The following WDR19 variants were observed in gnomAD, a reference collection of about 807,000 sequenced individuals.
WDR19 encodes the protein WD repeat-containing protein 19.
A neutral mutation model predicts 180.0 loss-of-function variants in WDR19; 121 were observed. The observed-to-expected ratio is 0.67, with a 90% CI of 0.58 to 0.78. WDR19 has a LOEUF of 0.78. WDR19 is among the 30% of genes least tolerant of loss of function. WDR19 has a pLI of 0.00. For missense variants in WDR19, 1,450 were observed against 1,640.7 expected (o/e 0.88, Z 2.01); for synonymous variants, 497 against 540.7 (o/e 0.92, Z 1.12).
chr4:39,217,324 A>G, intron 13 of WDR19, 84 bp downstream of exon 13: 1 of 1,156,084 alleles, frequency 8.6e-7, no homozygotes. Flanking sequence ...TTGGTCAGGA[A>G]GCAAGGATGT....
intron 32 of WDR19, 189 bp from the exon 33 acceptor site, chr4:39,274,619 A>G: frequency 1.6e-6 from 1 of 611,052 alleles, no homozygotes; most frequent in South Asian, 2.3e-5. Context: ...AAAGCACTTG[A>G]TGGGCAGTTA....
At chr4:39,269,129 AGAAAG>A (rs906097985) in intron 30 of WDR19, among the ~76,000 whole-genome samples, 4 of 152,104 alleles carry the variant, frequency 2.6e-5, no homozygotes, top group African/African-American at 7.2e-5. Context: ...CACCTGGAGA[AGAAAG>A]GGAGGGAAAA....
chr4:39,280,869 A>G (rs1350440902), intron 36 of WDR19, among the ~76,000 whole-genome samples: 2 of 152,130 alleles, frequency 1.3e-5, no homozygotes, highest in Non-Finnish European at 2.9e-5. Context: ...TTACTCTTAT[A>G]TTTAGGTCTT....
At chr4:39,186,716 C>A in intron 3 of WDR19, 112 bp downstream of exon 3, 1 of 705,192 alleles carries the variant, frequency 1.4e-6, no homozygotes, top group Non-Finnish European at 2.2e-6. Flanking sequence ...CTTCCATTTG[C>A]AAAGGGATTT....
At chr4:39,211,929 C>CAGAGAG (rs60128786) in intron 9 of WDR19, among the ~76,000 whole-genome samples, 14 of 135,350 alleles carry the variant, frequency 1.0e-4, no homozygotes, top group African/African-American at 3.6e-4. Context: ...TATAGACAGA[C>CAGAGAG]AGAGAGAGAG....
chr4:39,230,527 CATA>C (rs1560516572), intron 17 of WDR19, among the ~76,000 whole-genome samples: 1 of 152,080 alleles, frequency 6.6e-6, no homozygotes, highest in African/African-American at 2.4e-5. Flanking sequence ...ATAAAGGAGA[CATA>C]ATAATAATAC....
chr4:39,281,143 A>G (rs1402977357), intron 36 of WDR19, among the ~76,000 whole-genome samples: 1 of 151,242 alleles, frequency 6.6e-6, no homozygotes, highest in East Asian at 1.9e-4. Context: ...TTTGATTTTG[A>G]TGAATTATAA....
Position 39,242,273 on chromosome 4 carries a change from G to A in WDR19, c.2421+1939G>A, listed in dbSNP as rs184391659. Among the ~76,000 whole-genome samples the A allele has an allele frequency of 1.7e-3, 253 of 151,974 alleles. 1 individual carries two copies. The highest frequency in any genetic ancestry group is 5.9e-3 in the African/African-American group (243 of 41,468). On this transcript the variant is annotated intron_variant, in intron 21 of 36. Transcript: ENST00000399820. ...TAAAATTAAAAATTTTTATTTTTATGTTTATTTTTGTCTCACTTTCTTTCC... is the reference window on the plus strand; with the variant it reads ...TAAAATTAAAAATTTTTATTTTTATATTTATTTTTGTCTCACTTTCTTTCC...
chr4:39,243,015 T>C (rs1732129798), intron 21 of WDR19, among the ~76,000 whole-genome samples: 2 of 152,208 alleles, frequency 1.3e-5, no homozygotes, highest in African/African-American at 4.8e-5. Flanking sequence ...ATGGTAGCAT[T>C]GCATCACTGC....
At chr4:39,204,517 A>C (rs1185841380) in intron 7 of WDR19, among the ~76,000 whole-genome samples, 1 of 152,260 alleles carries the variant, frequency 6.6e-6, no homozygotes, top group African/African-American at 2.4e-5. Flanking sequence ...CTAAAAACCT[A>C]TTAAATTGAT....
chr4:39,185,390 G>C (rs1270223225), intron 1 of WDR19, among the ~76,000 whole-genome samples: 4 of 152,034 alleles, frequency 2.6e-5, no homozygotes, highest in Non-Finnish European at 5.9e-5. Context: ...CTGAATTCAG[G>C]CTTCAATTAT....
intron 9 of WDR19, among the ~76,000 whole-genome samples, chr4:39,213,762 C>T (rs1728771935): frequency 6.6e-6 from 1 of 152,060 alleles, no homozygotes; most frequent in South Asian, 2.1e-4. Flanking sequence ...CTAGGGACGT[C>T]GGAATAAGAT....
chr4:39,205,723 T>C lies in WDR19; in HGVS notation c.877T>C (p.Cys293Arg), dbSNP rs1209985738. 6.2e-7 allele frequency: 1 copy of C among 1,602,676 alleles called. No homozygotes were observed. Among genetic ancestry groups the C allele is most frequent in the Admixed American group, 1.7e-5 (1 of 58,130 alleles). ...VSQTLNKVATCGDNCIKIQDL... is the reference protein window; with the variant it reads ...VSQTLNKVATRGDNCIKIQDL... ...ACAGACTCTTAACAAAGTTGCTACA[T>C]GTGGAGATAACTGGTAAGTTATTTT... is the stretch of plus-strand genomic sequence containing the variant. Residue 293 changes from cysteine to arginine, a missense_variant, in exon 9 of 37, where the codon TGT (cysteine) becomes CGT (arginine). By Grantham distance (180) the Cys-to-Arg change is radical. Coordinates refer to ENST00000399820, the MANE Select transcript of WDR19 (RefSeq NM_025132.4).
chr4:39,268,370 C>T (rs1047801558), intron 30 of WDR19, among the ~76,000 whole-genome samples: 1 of 152,196 alleles, frequency 6.6e-6, no homozygotes, highest in African/African-American at 2.4e-5. Flanking sequence ...GATGTCTCCT[C>T]TCACCCCTCC....
chr4:39,218,910 A>G (rs1729369489), intron 14 of WDR19: 1 of 152,138 alleles, frequency 6.6e-6, no homozygotes, highest in South Asian at 2.1e-4. Context: ...AAACTAAGAC[A>G]CAAACACACA....
chr4:39,199,584 G>T lies in WDR19; in HGVS notation c.513G>T (p.Thr171=), dbSNP rs754543019. The T allele has an allele frequency of 1.1e-4, 175 of 1,611,180 alleles. No individual in the cohort carries two copies. Among genetic ancestry groups the T allele is most frequent in the Non-Finnish European group, 1.4e-4 (167 of 1,177,874 alleles). The change falls in exon 6 of 37, where the codon ACG becomes ACT. Residue 171 remains threonine (T), a synonymous_variant. Coordinates refer to ENST00000399820, the MANE Select transcript of WDR19 (RefSeq NM_025132.4). ...MITVSNQEGD[T]IRQTQVRSEP... Reference sequence around the variant, plus strand: ...CAGTTAGTAATCAGGAAGGTGACACGATAAGACAGGTAATACAGTAACGTC... The same window carrying T: ...CAGTTAGTAATCAGGAAGGTGACACTATAAGACAGGTAATACAGTAACGTC...
chr4:39,190,699 A>G (rs1577834412), intron 4 of WDR19, among the ~76,000 whole-genome samples: 1 of 152,342 alleles, frequency 6.6e-6, no homozygotes, highest in African/African-American at 2.4e-5. Flanking sequence ...TAGTGAGTGT[A>G]GTGCCTTTGA....
chr4:39,218,309 CATT>C (rs1729293985), intron 14 of WDR19: 1 of 668,034 alleles, frequency 1.5e-6, no homozygotes, highest in Non-Finnish European at 2.4e-6. Context: ...GCAATTTCAT[CATT>C]GTGTGGATGT....
intron 1 of WDR19, among the ~76,000 whole-genome samples, chr4:39,183,250 C>CTTTTTTTTTTT (rs113490249): frequency 0.3 from 24,054 of 78,964 alleles, 7,657 homozygotes; most frequent in Non-Finnish European, 0.41. Flanking sequence ...AAATGGAAGG[C>CTTTTTTTTTTT]TTTTTTTTTT....
Sources: allele counts gnomAD v4.1 joint callset (sites outside exome capture counted in the v4.1 genomes callset), GRCh38; gene constraint gnomAD v4.1.1; transcripts MANE v1.5; gene names NCBI Gene and HGNC (gene_info 2026-07-23, HGNC 2026-07-21).